The following SKIC3 variants were observed in gnomAD, a reference collection of about 807,000 sequenced individuals.
The protein encoded by SKIC3 is SKI3 subunit of superkiller complex, also known as superkiller complex protein 3.
chr5:95,488,590 T>C, the SKIC3 span, among the ~76,000 whole-genome samples: 1 of 152,188 alleles, frequency 6.6e-6, no homozygotes, highest in African/African-American at 2.4e-5. Context: ...AAAGTTATTC[T>C]TCATAAATGA....
the SKIC3 span, chr5:95,523,376 A>G: frequency 6.4e-7 from 1 of 1,559,850 alleles, no homozygotes; most frequent in Non-Finnish European, 8.8e-7. Flanking sequence ...TTATAAAAAG[A>G]CAGAACGCTC....
the SKIC3 span, among the ~76,000 whole-genome samples, chr5:95,484,195 T>C: frequency 6.6e-6 from 1 of 152,114 alleles, no homozygotes; most frequent in Non-Finnish European, 1.5e-5. Context: ...TAAATACCTA[T>C]ATATAAGATT....
chr5:95,523,231 T>G, the SKIC3 span: 1 of 1,613,944 alleles, frequency 6.2e-7, no homozygotes, highest in Admixed American at 1.7e-5. Context: ...GCTGACCAGC[T>G]TTCAAATAGT....
the SKIC3 span, among the ~76,000 whole-genome samples, chr5:95,500,933 A>G: frequency 6.6e-6 from 1 of 152,120 alleles, no homozygotes; most frequent in Admixed American, 6.5e-5. Context: ...CTTCATTTTG[A>G]CAAACAAGTA....
chr5:95,512,965 C>G, the SKIC3 span: 8 of 283,852 alleles, frequency 2.8e-5, no homozygotes, highest in Middle Eastern at 1.2e-3. Context: ...CTAGAAATGT[C>G]TACCATGCCT....
At chr5:95,490,805 T>A in the SKIC3 span, 1 of 1,478,544 alleles carries the variant, frequency 6.8e-7, no homozygotes. Context: ...GCCTAATGAA[T>A]ATATTTTTTA....
chr5:95,554,958 A>G, the SKIC3 span: 172 of 249,246 alleles, frequency 6.9e-4, no homozygotes, highest in Non-Finnish European at 1.2e-3. Context: ...CTCCTCTTCT[A>G]CAAACGCCGA....
At chr5:95,509,566 G>A in the SKIC3 span, 11 of 1,504,512 alleles carry the variant, frequency 7.3e-6, no homozygotes, top group African/African-American at 1.1e-4. Flanking sequence ...TCTTCCTCCT[G>A]CATCTATCAC....
the SKIC3 span, chr5:95,482,634 A>C: frequency 1.2e-6 from 2 of 1,613,894 alleles, no homozygotes; most frequent in Non-Finnish European, 1.7e-6. Context: ...TTTAAATTCT[A>C]GAAATCAAAT....
chr5:95,497,511 G>C, the SKIC3 span: 1 of 1,601,578 alleles, frequency 6.2e-7, no homozygotes, highest in East Asian at 2.2e-5. Flanking sequence ...AAAGTAGCAG[G>C]CTTAGGGACA....
chr5:95,508,868 T>C, the SKIC3 span, among the ~76,000 whole-genome samples: 1 of 152,324 alleles, frequency 6.6e-6, no homozygotes, highest in Admixed American at 6.5e-5. Flanking sequence ...ATTAAAGTCA[T>C]TCAAACAAAC....
At chr5:95,535,307 A>ATTTTTTTT in the SKIC3 span, among the ~76,000 whole-genome samples, 1 of 91,808 alleles carries the variant, frequency 1.1e-5, no homozygotes, top group African/African-American at 4.3e-5. Flanking sequence ...GGTAACAGCA[A>ATTTTTTTT]TTTTTTTTTT....
chr5:95,525,389 T>C, the SKIC3 span: 4 of 1,613,086 alleles, frequency 2.5e-6, no homozygotes, highest in Non-Finnish European at 2.5e-6. Context: ...GCAATTTATA[T>C]ATCCTTACCA....
At chr5:95,521,784 T>C in the SKIC3 span, among the ~76,000 whole-genome samples, 1 of 152,116 alleles carries the variant, frequency 6.6e-6, no homozygotes, top group Non-Finnish European at 1.5e-5. Context: ...AAACATGTTT[T>C]AGAGATCAAT....
chr5:95,550,838 CTG>C, the SKIC3 span: 1 of 152,088 alleles, frequency 6.6e-6, no homozygotes, highest in South Asian at 2.1e-4. Context: ...CTCCAAACTT[CTG>C]AATTGGTCTA....
chr5:95,495,142 C>G, the SKIC3 span: 10 of 822,922 alleles, frequency 1.2e-5, no homozygotes, highest in Non-Finnish European at 2.0e-5. Flanking sequence ...ATTCACAACT[C>G]CTAAACTTCT....
At chr5:95,546,768 T>A in the SKIC3 span, among the ~76,000 whole-genome samples, 2 of 152,142 alleles carry the variant, frequency 1.3e-5, no homozygotes, top group Non-Finnish European at 2.9e-5. Context: ...CATTAAACAA[T>A]GAAAACTTTA....
At chr5:95,511,759 T>G in the SKIC3 span, among the ~76,000 whole-genome samples, 2 of 152,232 alleles carry the variant, frequency 1.3e-5, no homozygotes, top group Non-Finnish European at 1.5e-5. Context: ...GCACCCTGCA[T>G]AACATTTTGT....
the SKIC3 span, chr5:95,503,076 T>A: frequency 1.3e-6 from 2 of 1,578,108 alleles, no homozygotes; most frequent in African/African-American, 2.7e-5. Flanking sequence ...GGATTTTTCC[T>A]TTCCAAATTT....
Sources: allele counts gnomAD v4.1 joint callset (sites outside exome capture counted in the v4.1 genomes callset), GRCh38; gene constraint gnomAD v4.1.1; transcripts MANE v1.5; gene names NCBI Gene and HGNC (gene_info 2026-07-23, HGNC 2026-07-21).